KIF17: variants seen among roughly 807,000 people sequenced by gnomAD.
KIF17 encodes kinesin family member 17.
KIF17 carries 80 observed loss-of-function variants against 96.8 expected under a neutral mutation model. The observed-to-expected ratio is 0.83, with a 90% CI of 0.69 to 1.00. KIF17 has a LOEUF of 1.00. Among genes scored for constraint, KIF17 ranks in the 50% least tolerant of loss-of-function variants. The probability of loss-of-function intolerance (pLI) is 0.00; values close to 1 mark genes in which losing one functional copy is unlikely to be tolerated. For synonymous variants in KIF17, 567 were observed against 587.5 expected (o/e 0.97, Z 0.51); for missense variants, 1,280 against 1,372.9 (o/e 0.93, Z 1.07).
At chr1:20,680,406 C>G (rs2053809996) in intron 11 of KIF17, among the ~76,000 whole-genome samples, 1 of 152,220 alleles carries the variant, frequency 6.6e-6, no homozygotes, top group South Asian at 2.1e-4. Flanking sequence ...CAGAACCAAG[C>G]CAGCAGATAA....
intron 10 of KIF17, among the ~76,000 whole-genome samples, chr1:20,684,559 G>A (rs552854909): frequency 3.1e-4 from 47 of 152,254 alleles, no homozygotes; most frequent in Admixed American, 4.6e-4. Context: ...AAAAGCCTGC[G>A]ACACTCTGCC....
chr1:20,703,470 G>GGATGGATAGATGGATA (rs57830820), intron 5 of KIF17, among the ~76,000 whole-genome samples: 1 of 147,380 alleles, frequency 6.8e-6, no homozygotes, highest in Non-Finnish European at 1.5e-5. Flanking sequence ...GTAGATGGGA[G>GGATGGATAGATGGATA]GATGGATAGA....
chr1:20,669,372 C>A (rs1045887170), intron 13 of KIF17, among the ~76,000 whole-genome samples: 2 of 151,696 alleles, frequency 1.3e-5, no homozygotes, highest in Non-Finnish European at 1.5e-5. Context: ...CCCGTCTCTA[C>A]TAAAAATACA....
intron 4 of KIF17, among the ~76,000 whole-genome samples, chr1:20,707,268 C>T (rs1455004398): frequency 6.6e-6 from 1 of 152,142 alleles, no homozygotes; most frequent in African/African-American, 2.4e-5. Flanking sequence ...AGATGTCCAT[C>T]GTGGCATGAC....
chr1:20,686,975 G>T (rs939192457), intron 8 of KIF17, among the ~76,000 whole-genome samples: 2 of 152,110 alleles, frequency 1.3e-5, no homozygotes, highest in African/African-American at 2.4e-5. Flanking sequence ...CTGAAAGGTG[G>T]CTGGATTCCC....
rs368527344 is a variant in KIF17 at position 20,700,761 on chromosome 1, T to C, written c.1124-2273A>G. 1.3e-5 allele frequency among the ~76,000 whole-genome samples: 2 copies of C among 151,830 alleles called. No individual in the cohort carries two copies. Among genetic ancestry groups the C allele is most frequent in the South Asian group, 4.2e-4 (2 of 4,798 alleles). ...CGAGTCAGTGAGTCCATCTTTGGTA[T>C]ATAAACCAGCCGAACCCGAGTCCAC... On this transcript the variant is annotated intron_variant, in intron 5 of 14. Transcript: ENST00000400463. The surrounding 1 kb of genome is among the most constrained non-coding windows in gnomAD (Gnocchi z 4.6).
intron 7 of KIF17, among the ~76,000 whole-genome samples, chr1:20,689,807 G>A (rs2054006713): frequency 6.6e-6 from 1 of 152,132 alleles, no homozygotes; most frequent in African/African-American, 2.4e-5. Context: ...AGCAATTCGG[G>A]GCAGGGACTG....
chr1:20,691,220 A>C (rs1389418573), intron 6 of KIF17, among the ~76,000 whole-genome samples: 2 of 150,878 alleles, frequency 1.3e-5, no homozygotes, highest in African/African-American at 4.9e-5. Flanking sequence ...TGAACCTGGG[A>C]AGTGGAGGTT....
In KIF17 at chr1:20,682,708, G is replaced by A. The variant is rs558038200; in HGVS notation, c.2408C>T (p.Ser803Phe). The part of the protein sequence containing the change: ...GDWVLLNVYD[S>F]IQEEVRAKSK... ...CTTGGCCCGCACTTCCTCCTGGATG[G>A]AGTCGTAGACGTTAAGCAGCACCCA... The change falls in exon 11 of 15, where the codon TCC becomes TTC. Residue 803 changes from serine to phenylalanine, a missense_variant. Transcript: ENST00000400463. 2.5e-6 allele frequency: 4 copies of A among 1,613,886 alleles called. No homozygotes were observed. Among genetic ancestry groups the A allele is most frequent in the Non-Finnish European group, 2.5e-6 (3 of 1,180,038 alleles).
In KIF17 at chr1:20,690,303, G is replaced by A. The variant is rs138517517; in HGVS notation, c.1266C>T (p.Ala422=). ...EYEERLARLK[A]DYKAEQESRA... ...GAGACTCCTGCTCGGCCTTATAGTC[G>A]GCTTTCAGCCGGGCCAGGCGCTCTT... The change falls in exon 7 of 15, where the codon GCC becomes GCT. Residue 422 remains alanine, a synonymous_variant. Transcript: ENST00000400463. 1.2e-5 allele frequency: 19 copies of A among 1,575,364 alleles called. No homozygotes were observed. The highest frequency in any genetic ancestry group is 4.1e-5 in the African/African-American group (3 of 72,858).
intron 6 of KIF17, chr1:20,692,684 G>A (rs1355708821): frequency 6.6e-6 from 1 of 152,002 alleles, no homozygotes; most frequent in African/African-American, 2.4e-5. Context: ...TTTTTACTGG[G>A]GTGTAGGGTT....
At chr1:20,675,318 G>T (rs1444394871) in intron 11 of KIF17, among the ~76,000 whole-genome samples, 4 of 140,852 alleles carry the variant, frequency 2.8e-5, no homozygotes, top group Non-Finnish European at 4.6e-5. Flanking sequence ...CATCTTGGTG[G>T]GTGCCTGTAG....
At chr1:20,683,719 G>A (rs1469970024) in intron 10 of KIF17, among the ~76,000 whole-genome samples, 3 of 151,896 alleles carry the variant, frequency 2.0e-5, no homozygotes, top group South Asian at 2.1e-4. Flanking sequence ...CCAAGCACCC[G>A]AGGAGGGCAC....
intron 5 of KIF17, among the ~76,000 whole-genome samples, chr1:20,703,147 A>G (rs1230000384): frequency 6.7e-6 from 1 of 148,874 alleles, no homozygotes; most frequent in Non-Finnish European, 1.5e-5. Context: ...GTAGGTGGGT[A>G]GATAGAAGGA....
chr1:20,687,350 C>T lies in KIF17; in HGVS notation c.1938+38G>A, dbSNP rs377503292. On this transcript the variant is annotated intron_variant, in intron 8 of 14. Transcript: ENST00000400463. The surrounding 1 kb of genome is among the most constrained non-coding windows in gnomAD (Gnocchi z 4.4). ...CCGGGCCCTGGGCAAGCTCTGCCTG[C>T]TCAGTGTTCACATGGCACCATGCGT... is the stretch of plus-strand genomic sequence containing the variant. 33 of 1,608,524 alleles carry T rather than the reference C, an allele frequency of 2.1e-5. No homozygotes were observed. The African/African-American group carries it at 3.5e-4, about 17-fold the overall frequency.
In KIF17 at chr1:20,699,145, C is replaced by T. The variant is rs929402029; in HGVS notation, c.1124-657G>A. On this transcript the variant is annotated intron_variant, in intron 5 of 14. Coordinates refer to ENST00000400463, the MANE Select transcript of KIF17 (RefSeq NM_001122819.3). This position sits in a 1 kb window ranked among gnomAD's most constrained non-coding sequence, Gnocchi z 4.3. ...TTTATTTTTTGTAGAGATGGGGTCTCGCCATGTTGTCCAGGCTGGTCTCAA... is the reference window on the plus strand; with the variant it reads ...TTTATTTTTTGTAGAGATGGGGTCTTGCCATGTTGTCCAGGCTGGTCTCAA... Among the ~76,000 whole-genome samples, 3 of 152,062 alleles carry T rather than the reference C, an allele frequency of 2.0e-5. No homozygotes were observed. Among genetic ancestry groups the T allele is most frequent in the East Asian group, 1.9e-4 (1 of 5,190 alleles).
chr1:20,709,600 G>C lies in KIF17; in HGVS notation c.670+39C>G. 6.2e-7 allele frequency: 1 copy of C among 1,611,256 alleles called. No individual in the cohort carries two copies. Among genetic ancestry groups the C allele is most frequent in the Admixed American group, 1.7e-5 (1 of 60,004 alleles). On this transcript the variant is annotated intron_variant, in intron 4 of 14. Coordinates refer to ENST00000400463, the MANE Select transcript of KIF17 (RefSeq NM_001122819.3). The surrounding 1 kb of genome is among the most constrained non-coding windows in gnomAD (Gnocchi z 4.7). ...TGCCTTGGCTAGTGGGAGTGGCTGG[G>C]TCATCTGTCCCCCTGCCCCCAACAA... is the stretch of plus-strand genomic sequence containing the variant.
In KIF17 at chr1:20,684,876, C is replaced by T; in HGVS notation, c.2164G>A (p.Gly722Ser). ...ATAGVKRESV[G>S]MEVAVLTDDP... is the part of the protein sequence containing the mutation. ...TCAGTCAGCACTGCCACCTCCATGC[C>T]CACGCTCTCCCTCTTCACACCAGCT... Residue 722 changes from glycine (G) to serine (S), a missense_variant, in exon 10 of 15, where the codon GGC (glycine) becomes AGC (serine). Physicochemically the swap from Gly to Ser is moderately conservative, Grantham distance 56 (BLOSUM62 0). Transcript: ENST00000400463. The T allele has an allele frequency of 3.8e-6, 6 of 1,597,842 alleles. No homozygotes were observed. The highest frequency in any genetic ancestry group is 5.1e-6 in the Non-Finnish European group (6 of 1,172,426).
chr1:20,711,137 C>G (rs2054428522), intron 3 of KIF17, among the ~76,000 whole-genome samples: 1 of 152,132 alleles, frequency 6.6e-6, no homozygotes, highest in Non-Finnish European at 1.5e-5. Context: ...ATGATAACTC[C>G]TATTTCTACA....
Sources: gnomAD v4.1 joint callset for allele counts (sites outside exome capture counted in the v4.1 genomes callset) on GRCh38, gnomAD v4.1.1 for gene constraint, Gnocchi (gnomAD v3.1) non-coding constraint, MANE v1.5 for transcripts, NCBI Gene and HGNC (gene_info 2026-07-23, HGNC 2026-07-21) for gene names.